Variants in ITIH5 observed in about 807,000 individuals in gnomAD.
The protein encoded by ITIH5 is inter-alpha-trypsin inhibitor heavy chain H5.
Under a neutral mutation model 77.5 loss-of-function variants are expected in ITIH5, and 65 were observed. That is an observed-to-expected ratio of 0.84 (90% CI 0.69 to 1.03). The LOEUF (loss-of-function observed/expected upper bound fraction) is 1.03, where lower values mean the gene tolerates loss of function less well. Ranked by LOEUF, ITIH5 falls within the 50% of genes least tolerant of loss-of-function variation. The probability of loss-of-function intolerance (pLI) is 0.00; values close to 1 mark genes in which losing one functional copy is unlikely to be tolerated. For missense variants in ITIH5, 1,208 were observed against 1,213.1 expected, an observed-to-expected ratio of 1.00 and a Z score of 0.06; for synonymous variants, 525 against 494.3, an observed-to-expected ratio of 1.06 and a Z score of -0.82.
chr10:7,644,835 A>ATATCACATATG, intron 2 of ITIH5, among the ~76,000 whole-genome samples: 1 of 115,522 alleles, frequency 8.7e-6, no homozygotes, highest in South Asian at 2.7e-4. Context: ...TATCACATAT[A>ATATCACATATG]TATCACATAT....
At chr10:7,649,526 ATAGATAGG>A in intron 2 of ITIH5, among the ~76,000 whole-genome samples, 1 of 148,108 alleles carries the variant, frequency 6.8e-6, no homozygotes, top group Non-Finnish European at 1.5e-5. Context: ...AGATGGATAG[ATAGATAGG>A]TAGGTAGATA....
chr10:7,625,227 G>A (rs1268254154), intron 5 of ITIH5, among the ~76,000 whole-genome samples: 1 of 152,092 alleles, frequency 6.6e-6, no homozygotes, highest in Non-Finnish European at 1.5e-5. Flanking sequence ...AGGACATTAT[G>A]TCAGGTGAAA....
intron 5 of ITIH5, among the ~76,000 whole-genome samples, chr10:7,623,951 T>C (rs1833516571): frequency 6.6e-6 from 1 of 152,108 alleles, no homozygotes; most frequent in African/African-American, 2.4e-5. Flanking sequence ...TAGCAACACA[T>C]AGCACAGAAT....
Position 7,566,103 on chromosome 10 carries a change from G to A in ITIH5, c.2454C>T (p.Pro818=), listed in dbSNP as rs756963618. The change falls in exon 13 of 14, where the codon CCC becomes CCT. Residue 818 remains proline, a synonymous_variant. Transcript: ENST00000397146. ...ILIHLYKKPA[P]FQRHHLGFYI... ...AGAAACCCAGGTGGTGTCGCTGGAA[G>A]GGCGCCGGCTTTTTGTAGAGGTGGA... The A allele has an allele frequency of 1.2e-6, 2 of 1,614,152 alleles. No homozygotes were observed. Among genetic ancestry groups the A allele is most frequent in the East Asian group, 4.5e-5 (2 of 44,882 alleles).
At chr10:7,628,838 T>TGTTGTAGCATGTGTCCC in intron 5 of ITIH5, among the ~76,000 whole-genome samples, 1 of 135,708 alleles carries the variant, frequency 7.4e-6, no homozygotes, top group African/African-American at 2.5e-5. Flanking sequence ...CGTGTGTCCC[T>TGTTGTAGCATGTGTCCC]GTTGTAGCGT....
chr10:7,615,854 T>C (rs1833353146), intron 7 of ITIH5, 128 bp downstream of exon 7: 1 of 676,890 alleles, frequency 1.5e-6, no homozygotes, highest in African/African-American at 1.8e-5. Context: ...TCAAGAAGGC[T>C]TTCCATAGGC....
At chr10:7,594,376 G>A (rs866271955) in intron 7 of ITIH5, among the ~76,000 whole-genome samples, 3 of 152,124 alleles carry the variant, frequency 2.0e-5, no homozygotes, top group East Asian at 1.9e-4. Context: ...AGCCACGCTC[G>A]TGTCCTCTAA....
At chr10:7,651,298 C>G (rs965618476) in intron 2 of ITIH5, among the ~76,000 whole-genome samples, 5 of 152,196 alleles carry the variant, frequency 3.3e-5, no homozygotes, top group Non-Finnish European at 7.4e-5. Flanking sequence ...AACTCATGCA[C>G]CTCGGCTGGG....
chr10:7,575,522 C>A (rs1832392977), intron 10 of ITIH5, among the ~76,000 whole-genome samples: 1 of 152,188 alleles, frequency 6.6e-6, no homozygotes, highest in Non-Finnish European at 1.5e-5. Context: ...CGATTTTCCA[C>A]ACGCAGATCT....
At chr10:7,575,086 C>A (rs1203618605) in intron 10 of ITIH5, among the ~76,000 whole-genome samples, 1 of 152,190 alleles carries the variant, frequency 6.6e-6, no homozygotes, top group African/African-American at 2.4e-5. Flanking sequence ...CTGAAATAGC[C>A]ATGTCAATTG....
chr10:7,590,952 A>C (rs1241549487), intron 7 of ITIH5, among the ~76,000 whole-genome samples: 2 of 152,208 alleles, frequency 1.3e-5, no homozygotes, highest in Non-Finnish European at 2.9e-5. Context: ...GCTGGAGTGC[A>C]GCGGCGCGGT....
chr10:7,562,316 T>C lies in ITIH5; in HGVS notation c.*767A>G, dbSNP rs1293529313. 6.6e-6 allele frequency: 1 copy of C among 152,186 alleles called. No homozygotes were observed. Among genetic ancestry groups the C allele is most frequent in the Non-Finnish European group, 1.5e-5 (1 of 68,034 alleles). 9.4% of individuals were successfully genotyped at this position (152,186 alleles called of 1,614,324 possible). A position where few individuals can be genotyped will look rare whatever the true frequency, so the allele number is the denominator to read the frequency against. Reference sequence around the variant, plus strand: ...AAATCAACCACATGGAGTTGTCCTGTGTATGAAAAGCCCTTAGCTTATTGG... The same window carrying C: ...AAATCAACCACATGGAGTTGTCCTGCGTATGAAAAGCCCTTAGCTTATTGG... On this transcript the variant is annotated 3_prime_UTR_variant, in exon 14 of 14. Transcript: ENST00000397146.
intron 7 of ITIH5, among the ~76,000 whole-genome samples, chr10:7,592,340 C>T (rs1277328867): frequency 1.3e-5 from 2 of 152,162 alleles, no homozygotes; most frequent in African/African-American, 2.4e-5. Flanking sequence ...CTTGCCCTGC[C>T]CCACCCTCCC....
At chr10:7,611,836 G>C (rs1833250724) in intron 7 of ITIH5, among the ~76,000 whole-genome samples, 1 of 150,876 alleles carries the variant, frequency 6.6e-6, no homozygotes, top group African/African-American at 2.4e-5. Context: ...ATTACTTTTA[G>C]GCTTAAAAGT....
Position 7,569,729 on chromosome 10 carries a change from G to T in ITIH5, c.2088C>A (p.Cys696Ter). Residue 696 changes from cysteine (C) to a stop codon, truncating the protein, a stop_gained, in exon 12 of 14, where the codon TGC becomes TGA. Transcript: ENST00000397146. LOFTEE classifies it high-confidence loss of function. ...CCCCGGGCTGCCCATCAATGTTGAA[G>T]CACACGGTGAGTCTGCTCAGGGGGA... ...VDFPLSRLTV[C>*]FNIDGQPGDI... 6.2e-7 allele frequency: 1 copy of T among 1,613,290 alleles called. No individual in the cohort carries two copies. Among genetic ancestry groups the T allele is most frequent in the African/African-American group, 1.3e-5 (1 of 75,012 alleles).
chr10:7,633,034 C>T (rs1000844843), intron 5 of ITIH5, among the ~76,000 whole-genome samples: 2 of 152,122 alleles, frequency 1.3e-5, no homozygotes, highest in African/African-American at 2.4e-5. Context: ...ATATCTGTCT[C>T]GGAATACCAA....
intron 7 of ITIH5, among the ~76,000 whole-genome samples, chr10:7,588,851 A>G (rs1832735434): frequency 6.6e-6 from 1 of 152,258 alleles, no homozygotes; most frequent in Non-Finnish European, 1.5e-5. Context: ...AGGGAAAGTA[A>G]CTATTAGTAT....
Position 7,566,725 on chromosome 10 carries a change from A to T in ITIH5, c.2150-318T>A, listed in dbSNP as rs1401352811. Among the ~76,000 whole-genome samples, 25 of 14,084 alleles carry T rather than the reference A, an allele frequency of 1.8e-3. 2 individuals carry two copies. Among genetic ancestry groups the T allele is most frequent in the African/African-American group, 6.9e-3 (22 of 3,202 alleles). 9.2% of individuals were successfully genotyped at this position (14,084 alleles called of 152,430 possible). On this transcript the variant is annotated intron_variant, in intron 12 of 13. Transcript: ENST00000397146. ...CTACAGAGTGAGATCCTATCTCATT[A>T]AAAAAAAAAAAAAAAAGAAGAAGAA...
chr10:7,590,729 A>C (rs1375029032), intron 7 of ITIH5, among the ~76,000 whole-genome samples: 1 of 152,214 alleles, frequency 6.6e-6, no homozygotes, highest in Non-Finnish European at 1.5e-5. Flanking sequence ...TTTGTGCCCA[A>C]GACTCTTCCC....
Sources: gnomAD v4.1 joint callset for allele counts (sites outside exome capture counted in the v4.1 genomes callset) on GRCh38, gnomAD v4.1.1 for gene constraint, MANE v1.5 for transcripts, NCBI Gene and HGNC (gene_info 2026-07-23, HGNC 2026-07-21) for gene names.